The following EYS variants were observed in gnomAD, a reference collection of about 807,000 sequenced individuals.
The protein encoded by EYS is EGF-like photoreceptor maintenance factor.
A neutral mutation model predicts 282.1 loss-of-function variants in EYS; 250 were observed. The ratio of observed to expected loss-of-function variants is 0.89; its 90% CI spans 0.80 to 0.98. The LOEUF (loss-of-function observed/expected upper bound fraction) is 0.98, where lower values mean the gene tolerates loss of function less well. Ranked by LOEUF, EYS falls within the 50% of genes least tolerant of loss-of-function variation. The probability of loss-of-function intolerance (pLI) is 0.00; values close to 1 mark genes in which losing one functional copy is unlikely to be tolerated. For synonymous variants in EYS, 1,355 were observed against 1,282.9 expected (o/e 1.06, Z -1.20); for missense variants, 4,016 against 3,709.0 (o/e 1.08, Z -2.15).
chr6:65,128,462 AG>A, intron 12 of EYS, among the ~76,000 whole-genome samples: 1 of 152,192 alleles, frequency 6.6e-6, no homozygotes, highest in Middle Eastern at 3.4e-3. Context: ...TAGAACTGAT[AG>A]ACAACTTCAG....
In EYS at chr6:64,449,211, A is replaced by G. The variant is rs569093570; in HGVS notation, c.5645-9859T>C. On this transcript the variant is annotated intron_variant, in intron 26 of 42. Transcript: ENST00000503581. ...GGCACGAGAACTACGTGATGAATGC[A>G]CAAGCCTCAGTAACCAATGCAATCA... Among the ~76,000 whole-genome samples the G allele has an allele frequency of 2.4e-3, 360 of 152,360 alleles. 2 individuals are homozygous for G. Among genetic ancestry groups the G allele is most frequent in the African/African-American group, 8.3e-3 (346 of 41,588 alleles).
chr6:64,190,391 G>C (rs1217180515), intron 31 of EYS, among the ~76,000 whole-genome samples: 1 of 152,150 alleles, frequency 6.6e-6, no homozygotes, highest in African/African-American at 2.4e-5. Context: ...ATGGAAGGTG[G>C]GTAATTATAT....
chr6:63,726,589 T>C lies in EYS; in HGVS notation c.8163A>G (p.Gln2721=), dbSNP rs370845590. The change falls in exon 42 of 43, where the codon CAA becomes CAG. Residue 2721 remains glutamine (Q), a synonymous_variant. Transcript: ENST00000503581. The part of the protein sequence containing the change: ...SFHVRKKTHI[Q]LQFQPLAADG... ...CTGCAGCGAGAGGCTGAAACTGCAATTGAATATGTGTCTTTTTTCGAACAT... is the reference window on the plus strand; with the variant it reads ...CTGCAGCGAGAGGCTGAAACTGCAACTGAATATGTGTCTTTTTTCGAACAT... The C allele has an allele frequency of 1.7e-5, 27 of 1,551,212 alleles. No homozygotes were observed. Among genetic ancestry groups the C allele is most frequent in the Non-Finnish European group, 2.2e-5 (25 of 1,146,760 alleles).
chr6:65,649,456 ACCTTAT>A (rs1767577742), intron 1 of EYS, among the ~76,000 whole-genome samples: 1 of 152,132 alleles, frequency 6.6e-6, no homozygotes, highest in South Asian at 2.1e-4. Context: ...AATATAATGA[ACCTTAT>A]TGTTTACTCT....
chr6:64,652,910 T>C (rs1768613852), intron 22 of EYS, among the ~76,000 whole-genome samples: 1 of 152,212 alleles, frequency 6.6e-6, no homozygotes, highest in African/African-American at 2.4e-5. Flanking sequence ...TTGTGCATTT[T>C]ACATACATTC....
chr6:65,545,686 A>G (rs1768358760), intron 2 of EYS, among the ~76,000 whole-genome samples: 1 of 152,144 alleles, frequency 6.6e-6, no homozygotes, highest in Non-Finnish European at 1.5e-5. Context: ...CTAAATCAAA[A>G]TAAGCTACAT....
At chr6:65,270,611 G>T (rs531271151) in intron 12 of EYS, among the ~76,000 whole-genome samples, 1 of 152,032 alleles carries the variant, frequency 6.6e-6, no homozygotes, top group African/African-American at 2.4e-5. Context: ...TGGTCTTCAA[G>T]TCATTTATCT....
chr6:65,280,867 T>C lies in EYS; in HGVS notation c.2023+14996A>G, dbSNP rs57348078. 2.1e-5 allele frequency among the ~76,000 whole-genome samples: 3 copies of C among 141,216 alleles called. No homozygotes were observed. In the East Asian group the frequency reaches 6.1e-4, roughly 29 times the overall value. The allele number at this position is 141,216 out of a possible 152,430, so 92.6% of individuals were successfully genotyped here. On this transcript the variant is annotated intron_variant, in intron 12 of 42. Coordinates refer to ENST00000503581, the MANE Select transcript of EYS (RefSeq NM_001142800.2). ...ACCCCGTCTGTACTAAAAAAAAAAA[T>C]ATATATATATATATATAAATCAGCT...
At chr6:63,989,475 A>ATC (rs1408163471) in intron 34 of EYS, among the ~76,000 whole-genome samples, 2 of 151,540 alleles carry the variant, frequency 1.3e-5, no homozygotes, top group Non-Finnish European at 3.0e-5. Context: ...CAGTTAAAGG[A>ATC]TCTCTCTCTC....
intron 10 of EYS, among the ~76,000 whole-genome samples, chr6:65,339,691 T>A (rs1770126806): frequency 1.3e-5 from 2 of 151,038 alleles, no homozygotes. Flanking sequence ...ATCAATGAAA[T>A]GTGTCAAGCA....
intron 35 of EYS, among the ~76,000 whole-genome samples, chr6:63,968,056 C>G (rs1258086201): frequency 2.0e-5 from 3 of 152,066 alleles, no homozygotes; most frequent in Non-Finnish European, 4.4e-5. Flanking sequence ...ACAAGTACCA[C>G]TAGAATTTCT....
intron 2 of EYS, among the ~76,000 whole-genome samples, chr6:65,502,542 G>A (rs538443226): frequency 2.0e-4 from 31 of 151,584 alleles, no homozygotes; most frequent in African/African-American, 7.5e-4. Flanking sequence ...ATTAATATTA[G>A]TATATTAACT....
At chr6:65,619,769 G>A (rs1766393364) in intron 2 of EYS, among the ~76,000 whole-genome samples, 1 of 151,386 alleles carries the variant, frequency 6.6e-6, no homozygotes, top group African/African-American at 2.4e-5. Context: ...ATGAAGGGTT[G>A]TTGAATTTTG....
At chr6:64,775,421 A>C (rs1773648976) in intron 22 of EYS, among the ~76,000 whole-genome samples, 1 of 152,012 alleles carries the variant, frequency 6.6e-6, no homozygotes, top group Non-Finnish European at 1.5e-5. Flanking sequence ...TTTGCCACTT[A>C]AAACTGAACC....
chr6:65,177,044 T>G (rs1765242813), intron 12 of EYS, among the ~76,000 whole-genome samples: 1 of 151,796 alleles, frequency 6.6e-6, no homozygotes, highest in Non-Finnish European at 1.5e-5. Flanking sequence ...TTTTAAAAAG[T>G]GTCTTAATGC....
chr6:64,057,895 G>T (rs116020258), intron 33 of EYS, among the ~76,000 whole-genome samples: 9 of 152,148 alleles, frequency 5.9e-5, no homozygotes, highest in Admixed American at 2.6e-4. Flanking sequence ...TTGGTGGTAC[G>T]ACCTTGGCTC....
chr6:64,751,355 C>T lies in EYS; in HGVS notation c.3443+62023G>A, dbSNP rs118114135. Among the ~76,000 whole-genome samples, 212 of 152,294 alleles carry T rather than the reference C, an allele frequency of 1.4e-3. 3 individuals are homozygous for T. In the East Asian group the frequency reaches 0.023, roughly 17 times the overall value. ...ACTATACTTCCCGGTTAGGAGTCCA[C>T]GTCACCCCTTTCTTCCAATGCAGAG... On this transcript the variant is annotated intron_variant, in intron 22 of 42. Transcript: ENST00000503581.
intron 12 of EYS, among the ~76,000 whole-genome samples, chr6:65,236,178 A>C (rs1438341386): frequency 6.6e-6 from 1 of 152,134 alleles, no homozygotes; most frequent in African/African-American, 2.4e-5. Flanking sequence ...TGAGGATCCT[A>C]ATATTACCGG....
At chr6:63,883,262 A>G (rs1773180383) in intron 35 of EYS, among the ~76,000 whole-genome samples, 1 of 152,040 alleles carries the variant, frequency 6.6e-6, no homozygotes. Flanking sequence ...CCACTCTCTC[A>G]CTGTGCTCTT....
Sources: gnomAD v4.1 joint callset for allele counts (sites outside exome capture counted in the v4.1 genomes callset) on GRCh38, gnomAD v4.1.1 for gene constraint, MANE v1.5 for transcripts, NCBI Gene and HGNC (gene_info 2026-07-23, HGNC 2026-07-21) for gene names.